Variants in PTGER3 observed in about 807,000 individuals in gnomAD.
The protein encoded by PTGER3 is prostaglandin E receptor 3, also known as prostaglandin E2 receptor EP3 subtype.
PTGER3 carries 22 observed loss-of-function variants against 34.7 expected under a neutral mutation model. The ratio of observed to expected loss-of-function variants is 0.63; its 90% CI spans 0.45 to 0.91. The LOEUF is 0.91. PTGER3 is among the 40% of genes least tolerant of loss of function. The pLI is 0.00. For missense variants in PTGER3, 468 were observed against 519.4 expected, an observed-to-expected ratio of 0.90 and a Z score of 0.96; for synonymous variants, 241 against 230.1, an observed-to-expected ratio of 1.05 and a Z score of -0.43.
chr1:70,941,962 T>C (rs971576929), intron 4 of PTGER3, among the ~76,000 whole-genome samples: 3 of 152,162 alleles, frequency 2.0e-5, no homozygotes, highest in Non-Finnish European at 4.4e-5. Context: ...AACTCCTTAC[T>C]ATGACTTACA....
chr1:71,007,952 C>T lies in PTGER3; in HGVS notation c.1077+4353G>A, dbSNP rs1017417551. 1.9e-5 allele frequency: 19 copies of T among 985,178 alleles called. No individual in the cohort carries two copies. In the African/African-American group the frequency reaches 2.8e-4, roughly 14 times the overall value. 61.0% of individuals were successfully genotyped at this position (985,178 alleles called of 1,614,324 possible). A position where few individuals can be genotyped will look rare whatever the true frequency, so the allele number is the denominator to read the frequency against. On this transcript the variant is annotated intron_variant, in intron 2 of 3. Coordinates refer to ENST00000306666, the MANE Select transcript of PTGER3 (RefSeq NM_198719.2). ...GTTTCTGATGGTGATCTCTTTCCTT[C>T]TTATCTTTACTCCCATAATAAATTC...
intron 4 of PTGER3, among the ~76,000 whole-genome samples, chr1:70,855,480 G>T (rs1645781384): frequency 6.6e-6 from 1 of 152,086 alleles, no homozygotes; most frequent in African/African-American, 2.4e-5. Flanking sequence ...AACATGTTAT[G>T]TTAAAATGTG....
At chr1:70,903,591 C>G (rs17541514) in intron 4 of PTGER3, among the ~76,000 whole-genome samples, 1 of 151,982 alleles carries the variant, frequency 6.6e-6, no homozygotes. Flanking sequence ...GTTTTCACTA[C>G]GAACCCATGC....
At chr1:70,975,370 T>C (rs1653585156) in intron 2 of PTGER3, among the ~76,000 whole-genome samples, 1 of 152,144 alleles carries the variant, frequency 6.6e-6, no homozygotes, top group Non-Finnish European at 1.5e-5. Context: ...ATTCCTTTTT[T>C]TTATAAATTT....
chr1:70,866,508 AT>A (rs1361669271), intron 4 of PTGER3, among the ~76,000 whole-genome samples: 5 of 152,048 alleles, frequency 3.3e-5, no homozygotes, highest in African/African-American at 7.3e-5. Context: ...TCTTATGCAT[AT>A]TTTTTTATTG....
At chr1:70,886,902 C>A (rs768923265) in intron 4 of PTGER3, among the ~76,000 whole-genome samples, 16 of 152,134 alleles carry the variant, frequency 1.1e-4, no homozygotes, top group Non-Finnish European at 1.9e-4. Context: ...CCCCATTGAC[C>A]CAGTTCTTAA....
At chr1:70,925,314 C>G (rs951550618) in intron 4 of PTGER3, among the ~76,000 whole-genome samples, 29 of 152,280 alleles carry the variant, frequency 1.9e-4, no homozygotes, top group African/African-American at 6.7e-4. Flanking sequence ...TACGCACTCA[C>G]TCTTAATATA....
At chr1:70,929,090 G>A (rs963096099) in intron 4 of PTGER3, among the ~76,000 whole-genome samples, 2 of 152,126 alleles carry the variant, frequency 1.3e-5, no homozygotes, top group African/African-American at 4.8e-5. Context: ...GACCTTGTGT[G>A]TATTATTATC....
intron 4 of PTGER3, among the ~76,000 whole-genome samples, chr1:70,865,092 A>G (rs1046593109): frequency 4.6e-5 from 5 of 108,172 alleles, no homozygotes; most frequent in African/African-American, 2.3e-4. Context: ...AGAAAATATG[A>G]AAAAAAATGA....
chr1:70,998,105 CTATT>C (rs1422734280), intron 2 of PTGER3, among the ~76,000 whole-genome samples: 1 of 152,226 alleles, frequency 6.6e-6, no homozygotes, highest in Non-Finnish European at 1.5e-5. Context: ...AAATAAATCT[CTATT>C]TAATGTGACA....
intron 2 of PTGER3, among the ~76,000 whole-genome samples, chr1:70,960,428 A>G (rs570798172): frequency 6.2e-4 from 94 of 152,306 alleles, no homozygotes; most frequent in African/African-American, 2.2e-3. Context: ...AATGGATAAT[A>G]TCTTTAAGCA....
chr1:70,957,196 A>G (rs1279128728), intron 2 of PTGER3, among the ~76,000 whole-genome samples: 1 of 152,178 alleles, frequency 6.6e-6, no homozygotes, highest in Non-Finnish European at 1.5e-5. Context: ...AATTATGTAA[A>G]CCTTAATCAT....
intron 4 of PTGER3, among the ~76,000 whole-genome samples, chr1:70,887,762 C>T (rs1359126850): frequency 6.6e-6 from 1 of 152,008 alleles, no homozygotes; most frequent in African/African-American, 2.4e-5. Context: ...TTTATATTAG[C>T]TATTATGTTC....
At chr1:71,013,445 G>A (rs1356215996) in intron 1 of PTGER3, among the ~76,000 whole-genome samples, 1 of 152,178 alleles carries the variant, frequency 6.6e-6, no homozygotes, top group Non-Finnish European at 1.5e-5. Flanking sequence ...GCTCACGCCT[G>A]TAATCCCGGC....
intron 2 of PTGER3, among the ~76,000 whole-genome samples, chr1:70,996,269 A>G (rs1393252008): frequency 6.6e-6 from 1 of 152,112 alleles, no homozygotes; most frequent in East Asian, 1.9e-4. Context: ...TAGGTTGAAT[A>G]GTTAAGTAGT....
chr1:70,964,789 G>T (rs572426250), intron 2 of PTGER3, among the ~76,000 whole-genome samples: 1 of 152,276 alleles, frequency 6.6e-6, no homozygotes, highest in African/African-American at 2.4e-5. Context: ...TATTATGTTT[G>T]CTCAAACTTT....
chr1:71,011,459 GA>G (rs1318491765), intron 2 of PTGER3: 3 of 985,110 alleles, frequency 3.0e-6, no homozygotes, highest in Non-Finnish European at 3.6e-6. Flanking sequence ...ATAGCATTCT[GA>G]AAAACCACTT....
chr1:71,024,845 G>A (rs540251139), intron 1 of PTGER3, among the ~76,000 whole-genome samples: 24 of 150,526 alleles, frequency 1.6e-4, no homozygotes, highest in South Asian at 1.5e-3. Flanking sequence ...ATGAGCCACC[G>A]TGCCCGGCTG....
intron 4 of PTGER3, among the ~76,000 whole-genome samples, chr1:70,929,808 G>C (rs1352448694): frequency 1.3e-5 from 2 of 152,202 alleles, no homozygotes; most frequent in African/African-American, 2.4e-5. Flanking sequence ...TGCAGTGAGA[G>C]AGATAAATGA....
Sources: gnomAD v4.1 joint callset for allele counts (sites outside exome capture counted in the v4.1 genomes callset) on GRCh38, gnomAD v4.1.1 for gene constraint, MANE v1.5 for transcripts, NCBI Gene and HGNC (gene_info 2026-07-23, HGNC 2026-07-21) for gene names.